Variants in FAM83F observed in about 807,000 individuals in gnomAD.
The protein encoded by FAM83F is scaffolding CK1 anchoring protein F, also known as protein FAM83F.
In FAM83F, 45 loss-of-function variants were observed where a neutral mutation model predicts 42.9. That is an observed-to-expected ratio of 1.05 (90% confidence interval 0.83 to 1.35). The LOEUF (loss-of-function observed/expected upper bound fraction) is 1.35, where lower values mean the gene tolerates loss of function less well. Among genes scored for constraint, FAM83F ranks in the 40% most tolerant of loss-of-function variants. The probability of loss-of-function intolerance (pLI) is 0.00; values close to 1 mark genes in which losing one functional copy is unlikely to be tolerated. For synonymous variants in FAM83F, 306 were observed against 298.3 expected (o/e 1.03, Z -0.27); for missense variants, 617 against 695.9 (o/e 0.89, Z 1.28).
Position 40,036,204 on chromosome 22 carries a change from T to A in FAM83F, c.*6639T>A, listed in dbSNP as rs1304616900. The A allele has an allele frequency of 1.3e-5, 2 of 152,116 alleles. No individual in the cohort carries two copies. Among genetic ancestry groups the A allele is most frequent in the African/African-American group, 4.8e-5 (2 of 41,424 alleles). 9.4% of individuals were successfully genotyped at this position (152,116 alleles called of 1,614,324 possible). On this transcript the variant is annotated 3_prime_UTR_variant, in exon 5 of 5. Transcript: ENST00000333407. ...AACGCTCCTGCCCTAATTTTCAATA[T>A]TTTTTTGTAGAGATAGGATCTCACT...
chr22:40,025,279 G>T (rs2067545326), intron 4 of FAM83F, among the ~76,000 whole-genome samples: 2 of 152,066 alleles, frequency 1.3e-5, no homozygotes, highest in South Asian at 2.1e-4. Flanking sequence ...ATTAGCTGGG[G>T]GTAGTGCCGT....
At chr22:40,018,882 C>T (rs1358776300) in intron 1 of FAM83F, among the ~76,000 whole-genome samples, 1 of 152,188 alleles carries the variant, frequency 6.6e-6, no homozygotes, top group East Asian at 1.9e-4. Flanking sequence ...AGCCACCTTG[C>T]CTGGCCCTGA....
intron 1 of FAM83F, among the ~76,000 whole-genome samples, chr22:39,999,698 AAC>A (rs756016361): frequency 3.3e-5 from 5 of 152,238 alleles, no homozygotes; most frequent in Middle Eastern, 3.4e-3. Flanking sequence ...GTGGATTGTA[AAC>A]ACAACGTAGG....
At chr22:40,025,784 C>G (rs1400584175) in intron 4 of FAM83F, among the ~76,000 whole-genome samples, 2 of 152,196 alleles carry the variant, frequency 1.3e-5, no homozygotes, top group African/African-American at 2.4e-5. Flanking sequence ...GCTTAGGAAT[C>G]TGCATTTTAA....
At chr22:40,009,048 C>A (rs1027833472) in intron 1 of FAM83F, among the ~76,000 whole-genome samples, 6 of 152,172 alleles carry the variant, frequency 3.9e-5, no homozygotes, top group African/African-American at 1.4e-4. Flanking sequence ...GAGTTCCCCC[C>A]ATTTGCCTTA....
rs768102747 is a variant in FAM83F, at chr22:40,019,979, C to T, written c.750C>T (p.Asp250=). 8.7e-6 allele frequency: 14 copies of T among 1,613,246 alleles called. No homozygotes were observed. The highest frequency in any genetic ancestry group is 4.0e-5 in the African/African-American group (3 of 74,956). Residue 250 remains aspartate (D), a synonymous_variant, in exon 3 of 5, where the codon GAC becomes GAT. Coordinates refer to ENST00000333407, the MANE Select transcript of FAM83F (RefSeq NM_138435.4). ...GTLSSRFLMV[D]GDKVATGSYR... ...TGTCATCAAGGTTCCTGATGGTGGA[C>T]GGTGACAAAGTGGCCACTGGATCTT... is the stretch of plus-strand genomic sequence containing the variant.
rs1294774902 is a variant in FAM83F at position 39,995,343 on chromosome 22, T to G, written c.301T>G (p.Ser101Ala). ...GGCCCCCGCGCCGGCGCCGGCTGAGTCCGGCGAGTCCCTGGCCTACTGGCC... is the reference window on the plus strand; with the variant it reads ...GGCCCCCGCGCCGGCGCCGGCTGAGGCCGGCGAGTCCCTGGCCTACTGGCC... ...AKAPAPAPAE[S>A]GESLAYWPDR... The change falls in exon 1 of 5, where the codon TCC becomes GCC. Residue 101 changes from serine (S) to alanine (A), a missense_variant. Physicochemically the swap from Ser to Ala is moderately conservative, Grantham distance 99. Coordinates refer to ENST00000333407, the MANE Select transcript of FAM83F (RefSeq NM_138435.4). The surrounding 1 kb of genome is among the most constrained non-coding windows in gnomAD (Gnocchi z 4.6). The G allele has an allele frequency of 6.5e-7, 1 of 1,540,880 alleles. No homozygotes were observed. The highest frequency in any genetic ancestry group is 8.7e-7 in the Non-Finnish European group (1 of 1,146,062).
Position 40,021,309 on chromosome 22 carries a change from C to A in FAM83F, c.799C>A (p.His267Asn). 1 of 1,555,480 alleles carries A rather than the reference C, an allele frequency of 6.4e-7. No individual in the cohort carries two copies. Among genetic ancestry groups the A allele is most frequent in the South Asian group, 1.2e-5 (1 of 84,718 alleles). The change falls in exon 4 of 5, where the codon CAT (histidine) becomes AAT (asparagine). Residue 267 changes from histidine (H) to asparagine (N), a missense_variant. By Grantham distance (68) the His-to-Asn change is moderately conservative. Transcript: ENST00000333407. This position sits in a 1 kb window ranked among gnomAD's most constrained non-coding sequence, Gnocchi z 8.7. ...TCCCAGGTTCACCTGGAGTTCCTCCCATGTGGACAGAAACCTCCTCCTGCT... is the reference window on the plus strand; with the variant it reads ...TCCCAGGTTCACCTGGAGTTCCTCCAATGTGGACAGAAACCTCCTCCTGCT... ...GSYRFTWSSSHVDRNLLLLLT... is the reference protein window; with the variant it reads ...GSYRFTWSSSNVDRNLLLLLT...
At chr22:40,009,490 A>G (rs1367855968) in intron 1 of FAM83F, among the ~76,000 whole-genome samples, 1 of 152,206 alleles carries the variant, frequency 6.6e-6, no homozygotes. Flanking sequence ...AGGAGAGAGC[A>G]GTTAGGAAGC....
At chr22:39,999,042 A>G (rs953328531) in intron 1 of FAM83F, 6 of 152,238 alleles carry the variant, frequency 3.9e-5, no homozygotes, top group Non-Finnish European at 7.3e-5. Context: ...ACCACTGGAC[A>G]AATATTTAGA....
intron 4 of FAM83F, among the ~76,000 whole-genome samples, chr22:40,025,996 G>A (rs2067550080): frequency 6.6e-6 from 1 of 152,196 alleles, no homozygotes; most frequent in Non-Finnish European, 1.5e-5. Context: ...CTTTTGAAGT[G>A]GCGAGAGACA....
At chr22:40,009,512 T>G (rs2067452122) in intron 1 of FAM83F, among the ~76,000 whole-genome samples, 1 of 152,070 alleles carries the variant, frequency 6.6e-6, no homozygotes, top group Non-Finnish European at 1.5e-5. Flanking sequence ...CATCAAAGCA[T>G]GGTAGGAAAG....
Position 39,995,165 on chromosome 22 carries a change from CG to C in FAM83F, c.125del (p.Gly42AlafsTer91), listed in dbSNP as rs1384148110. 7.1e-7 allele frequency: 1 copy of C among 1,401,114 alleles called. No homozygotes were observed. The highest frequency in any genetic ancestry group is 9.2e-7 in the Non-Finnish European group (1 of 1,086,686). The allele number at this position is 1,401,114 out of a possible 1,614,324, so 86.8% of individuals were successfully genotyped here. ...CCGCGCTGGAGGCGCTGCTGGGCGG[CG>C]GCGAGCAGGCCTACCGCGAGCGGCT... The part of the protein sequence containing the change: ...RAALEALLGG[G>X]EQAYRERLKE... On this transcript the variant is annotated frameshift_variant, in exon 1 of 5. Coordinates refer to ENST00000333407, the MANE Select transcript of FAM83F (RefSeq NM_138435.4). LOFTEE classifies it high-confidence loss of function. This position sits in a 1 kb window ranked among gnomAD's most constrained non-coding sequence, Gnocchi z 4.6.
chr22:40,021,456 T>C lies in FAM83F; in HGVS notation c.946T>C (p.Ser316Pro), dbSNP rs577866074. ...LAGRVGLHYS[S>P]TVARKLINPK... Reference sequence around the variant, plus strand: ...GGGCAGGGTTGGCCTCCATTACTCCTCCACTGTGGCTCGAAAGCTTATCAA... The same window carrying C: ...GGGCAGGGTTGGCCTCCATTACTCCCCCACTGTGGCTCGAAAGCTTATCAA... The change falls in exon 4 of 5, where the codon TCC (serine) becomes CCC (proline). Residue 316 changes from serine (S) to proline (P), a missense_variant. Coordinates refer to ENST00000333407, the MANE Select transcript of FAM83F (RefSeq NM_138435.4). The surrounding 1 kb of genome is among the most constrained non-coding windows in gnomAD (Gnocchi z 8.7). The C allele has an allele frequency of 1.8e-4, 285 of 1,610,180 alleles. 5 individuals are homozygous for C. The South Asian group carries it at 3.0e-3, about 17-fold the overall frequency.
At chr22:40,020,314 GGAAA>G (rs1359667220) in intron 3 of FAM83F, among the ~76,000 whole-genome samples, 2 of 152,002 alleles carry the variant, frequency 1.3e-5, no homozygotes, top group Non-Finnish European at 2.9e-5. Context: ...CACCAGATCT[GGAAA>G]GAAACGGGAA....
chr22:40,029,753 C>G lies in FAM83F; in HGVS notation c.*188C>G, dbSNP rs933553238. The G allele has an allele frequency of 1.3e-6, 1 of 783,716 alleles. No individual in the cohort carries two copies. 48.5% of individuals were successfully genotyped at this position (783,716 alleles called of 1,614,324 possible). A position where few individuals can be genotyped will look rare whatever the true frequency, so the allele number is the denominator to read the frequency against. On this transcript the variant is annotated 3_prime_UTR_variant, in exon 5 of 5. Transcript: ENST00000333407. Reference sequence around the variant, plus strand: ...GAGGGTCCGAAGCATCTCAGTCACACGCCTCCACCGGACTGTCGGTGGCTG... The same window carrying G: ...GAGGGTCCGAAGCATCTCAGTCACAGGCCTCCACCGGACTGTCGGTGGCTG...
In FAM83F at chr22:40,031,590, C is replaced by G. The variant is rs944219143; in HGVS notation, c.*2025C>G. 6.6e-6 allele frequency: 1 copy of G among 152,270 alleles called. No individual in the cohort carries two copies. Among genetic ancestry groups the G allele is most frequent in the African/African-American group, 2.4e-5 (1 of 41,452 alleles). 9.4% of individuals were successfully genotyped at this position (152,270 alleles called of 1,614,324 possible). ...CAAGTCACCACAGCCTTGAGCCAGG[C>G]CTTCCTTTCTGCCTCAGTTTCTCCA... On this transcript the variant is annotated 3_prime_UTR_variant, in exon 5 of 5. Coordinates refer to ENST00000333407, the MANE Select transcript of FAM83F (RefSeq NM_138435.4).
chr22:39,995,216 C>T lies in FAM83F; in HGVS notation c.174C>T (p.Phe58=), dbSNP rs781363933. ...ERLKEEQLRD[F]LSSPERQALR... Reference sequence around the variant, plus strand: ...TCAAGGAGGAGCAGCTGCGGGACTTCCTCTCCAGCCCGGAGCGCCAGGCCC... The same window carrying T: ...TCAAGGAGGAGCAGCTGCGGGACTTTCTCTCCAGCCCGGAGCGCCAGGCCC... Residue 58 remains phenylalanine, a synonymous_variant, in exon 1 of 5, where the codon TTC becomes TTT. Coordinates refer to ENST00000333407, the MANE Select transcript of FAM83F (RefSeq NM_138435.4). This position sits in a 1 kb window ranked among gnomAD's most constrained non-coding sequence, Gnocchi z 4.6. 13 of 1,531,526 alleles carry T rather than the reference C, an allele frequency of 8.5e-6. No individual in the cohort carries two copies. In the Admixed American group the frequency reaches 2.0e-4, roughly 23 times the overall value. The allele number at this position is 1,531,526 out of a possible 1,614,324, so 94.9% of individuals were successfully genotyped here. A position where few individuals can be genotyped will look rare whatever the true frequency, so the allele number is the denominator to read the frequency against.
intron 1 of FAM83F, chr22:39,997,989 G>A (rs1415113296): frequency 6.6e-6 from 1 of 152,424 alleles, no homozygotes; most frequent in Non-Finnish European, 1.5e-5. Context: ...GAGAAGGAAA[G>A]AGACTTGCCC....
Sources: gnomAD v4.1 joint callset for allele counts (sites outside exome capture counted in the v4.1 genomes callset) on GRCh38, gnomAD v4.1.1 for gene constraint, Gnocchi (gnomAD v3.1) non-coding constraint, MANE v1.5 for transcripts, NCBI Gene and HGNC (gene_info 2026-07-23, HGNC 2026-07-21) for gene names.